The following CNTNAP2 variants were observed in gnomAD, a reference collection of about 807,000 sequenced individuals.
CNTNAP2 encodes contactin-associated protein-like 2.
CNTNAP2 carries 98 observed loss-of-function variants against 155.2 expected under a neutral mutation model. That is an observed-to-expected ratio of 0.63 (90% CI 0.54 to 0.75). The LOEUF is 0.75. Ranked by LOEUF, CNTNAP2 falls within the 30% of genes least tolerant of loss-of-function variation. The pLI, the probability that CNTNAP2 is intolerant of heterozygous loss-of-function variation, is 0.00. For missense variants in CNTNAP2, 1,727 were observed against 1,688.1 expected (o/e 1.02, Z -0.40); for synonymous variants, 651 against 631.2 (o/e 1.03, Z -0.47).
At chr7:147,526,241 C>T (rs1014675609) in intron 11 of CNTNAP2, among the ~76,000 whole-genome samples, 2 of 150,048 alleles carry the variant, frequency 1.3e-5, no homozygotes, top group Non-Finnish European at 3.0e-5. Context: ...AAAAACATTG[C>T]AGGAATGCTT....
chr7:146,723,061 C>G (rs1801366778), intron 1 of CNTNAP2, among the ~76,000 whole-genome samples: 1 of 152,102 alleles, frequency 6.6e-6, no homozygotes, highest in Non-Finnish European at 1.5e-5. Context: ...CTAAACCCTA[C>G]TCCCTGTGAA....
At position 147,250,576 on chromosome 7, in the gene CNTNAP2, G is replaced by A. The variant is rs530851125; in HGVS notation, c.1349-49565G>A. Among the ~76,000 whole-genome samples the A allele has an allele frequency of 2.0e-5, 3 of 147,612 alleles. No individual in the cohort carries two copies. In the East Asian group the frequency reaches 6.1e-4, roughly 30 times the overall value. On this transcript the variant is annotated intron_variant, in intron 8 of 23. Transcript: ENST00000361727. ...TCTGACAGTCTTGTCAACCTCATGT[G>A]TCTGGATTCTCAGTCTTAGTACAGT...
chr7:147,386,645 A>G (rs11767917), intron 9 of CNTNAP2, among the ~76,000 whole-genome samples: 97,572 of 151,948 alleles, frequency 0.64, 32,390 homozygotes, highest in African/African-American at 0.82. Flanking sequence ...TGTCCATATC[A>G]TTATCAACAT....
At chr7:147,134,690 T>C (rs1801443796) in intron 8 of CNTNAP2, among the ~76,000 whole-genome samples, 1 of 152,008 alleles carries the variant, frequency 6.6e-6, no homozygotes, top group South Asian at 2.1e-4. Context: ...TCTTTTAATG[T>C]ATTTTATCAA....
At chr7:147,267,445 G>C (rs529279895) in intron 8 of CNTNAP2, among the ~76,000 whole-genome samples, 1 of 152,232 alleles carries the variant, frequency 6.6e-6, no homozygotes, top group South Asian at 2.1e-4. Context: ...TCCTCTCCTA[G>C]AATCTTGTTT....
At chr7:146,151,707 T>TC (rs1798054563) in intron 1 of CNTNAP2, among the ~76,000 whole-genome samples, 1 of 65,906 alleles carries the variant, frequency 1.5e-5, no homozygotes, top group East Asian at 2.8e-4. Context: ...TGTATATATA[T>TC]ATATATGTAT....
At position 147,382,283 on chromosome 7, in the gene CNTNAP2, C is replaced by T. The variant is rs184192127; in HGVS notation, c.1499-13326C>T. Among the ~76,000 whole-genome samples the T allele has an allele frequency of 3.3e-5, 5 of 152,176 alleles. No individual in the cohort carries two copies. In the East Asian group the frequency reaches 9.7e-4, roughly 29 times the overall value. ...ATATTTTTGATAGAGACACCTCAAA[C>T]TTCAAGCCAGAAACAAATTGGAAGT... is the stretch of plus-strand genomic sequence containing the variant. On this transcript the variant is annotated intron_variant, in intron 9 of 23. Coordinates refer to ENST00000361727, the MANE Select transcript of CNTNAP2 (RefSeq NM_014141.6).
chr7:146,557,438 A>G (rs1798213714), intron 1 of CNTNAP2, among the ~76,000 whole-genome samples: 2 of 152,088 alleles, frequency 1.3e-5, no homozygotes, highest in Admixed American at 6.5e-5. Flanking sequence ...GTCTTTCCAG[A>G]AAAGTTGTGC....
At chr7:146,206,224 G>T (rs953148426) in intron 1 of CNTNAP2, among the ~76,000 whole-genome samples, 27 of 151,780 alleles carry the variant, frequency 1.8e-4, no homozygotes, top group African/African-American at 6.3e-4. Context: ...ATTTTTAGTG[G>T]GAAAATCCAT....
chr7:147,164,349 AAACCAAGT>A (rs1261621605), intron 8 of CNTNAP2, among the ~76,000 whole-genome samples: 1 of 152,232 alleles, frequency 6.6e-6, no homozygotes, highest in Non-Finnish European at 1.5e-5. Context: ...TACAATGCAT[AAACCAAGT>A]AGTTAGGCTC....
intron 14 of CNTNAP2, among the ~76,000 whole-genome samples, chr7:147,972,717 T>A (rs1196867862): frequency 1.3e-5 from 2 of 152,190 alleles, no homozygotes; most frequent in Admixed American, 6.5e-5. Flanking sequence ...CTAACAGATA[T>A]AATTAGCTTA....
intron 1 of CNTNAP2, among the ~76,000 whole-genome samples, chr7:146,191,488 G>T (rs1003203205): frequency 3.9e-5 from 6 of 152,234 alleles, no homozygotes; most frequent in African/African-American, 1.4e-4. Flanking sequence ...CAGGAGACAG[G>T]GTTTGAGAGC....
intron 3 of CNTNAP2, among the ~76,000 whole-genome samples, chr7:146,856,931 T>C (rs1795002044): frequency 6.6e-6 from 1 of 152,150 alleles, no homozygotes; most frequent in South Asian, 2.1e-4. Flanking sequence ...ACATGATACC[T>C]ACCTGTAATA....
At chr7:147,223,437 A>C (rs971508527) in intron 8 of CNTNAP2, among the ~76,000 whole-genome samples, 1 of 152,144 alleles carries the variant, frequency 6.6e-6, no homozygotes, top group Non-Finnish European at 1.5e-5. Context: ...AGATGGATGG[A>C]ATCTCATCTG....
intron 1 of CNTNAP2, among the ~76,000 whole-genome samples, chr7:146,177,177 A>G (rs1798481766): frequency 6.6e-6 from 1 of 152,198 alleles, no homozygotes; most frequent in Admixed American, 6.5e-5. Context: ...TGTCTACAGC[A>G]TTTCCTGAAT....
At chr7:148,154,806 G>A (rs1240041983) in intron 17 of CNTNAP2, among the ~76,000 whole-genome samples, 1 of 152,022 alleles carries the variant, frequency 6.6e-6, no homozygotes, top group African/African-American at 2.4e-5. Context: ...GCATGCTGGT[G>A]GGTGCCTGTA....
rs563180401 is a variant in CNTNAP2, at chr7:146,781,016, C to T, written c.208+6635C>T. Among the ~76,000 whole-genome samples, 3 of 152,148 alleles carry T rather than the reference C, an allele frequency of 2.0e-5. No individual in the cohort carries two copies. In the East Asian group the frequency reaches 5.8e-4, roughly 30 times the overall value. ...GGCCGAGGCAGGTGGATCACGAGGTCAGGAGATCCAGACCATCCTGGCTAA... is the reference window on the plus strand; with the variant it reads ...GGCCGAGGCAGGTGGATCACGAGGTTAGGAGATCCAGACCATCCTGGCTAA... On this transcript the variant is annotated intron_variant, in intron 2 of 23. Coordinates refer to ENST00000361727, the MANE Select transcript of CNTNAP2 (RefSeq NM_014141.6).
rs1441611051 is a variant in CNTNAP2 at position 146,404,046 on chromosome 7, A to C, written c.97+287073A>C. ...AGGCTGAGGCAGGAGAATGGCGTGA[A>C]CCCGGGAGGCGGAGCTTGCAGTGAG... On this transcript the variant is annotated intron_variant, in intron 1 of 23. Transcript: ENST00000361727. 3.7e-5 allele frequency among the ~76,000 whole-genome samples: 5 copies of C among 136,778 alleles called. No individual in the cohort carries two copies. The East Asian group carries it at 1.1e-3, about 30-fold the overall frequency. The allele number at this position is 136,778 out of a possible 152,430, so 89.7% of individuals were successfully genotyped here.
chr7:147,274,388 T>C (rs1804844011), intron 8 of CNTNAP2, among the ~76,000 whole-genome samples: 1 of 152,206 alleles, frequency 6.6e-6, no homozygotes, highest in Non-Finnish European at 1.5e-5. Flanking sequence ...GATCATCTCA[T>C]TGAGGCTTCA....
Sources: gnomAD v4.1 joint callset for allele counts (sites outside exome capture counted in the v4.1 genomes callset) on GRCh38, gnomAD v4.1.1 for gene constraint, MANE v1.5 for transcripts, NCBI Gene and HGNC (gene_info 2026-07-23, HGNC 2026-07-21) for gene names.